Variants in VAV2 observed in about 807,000 individuals in gnomAD.
The protein encoded by VAV2 is vav guanine nucleotide exchange factor 2.
Under a neutral mutation model 132.5 loss-of-function variants are expected in VAV2, and 67 were observed. The observed-to-expected ratio is 0.51, with a 90% confidence interval of 0.42 to 0.62. The LOEUF (loss-of-function observed/expected upper bound fraction) is 0.62. Ranked by LOEUF, VAV2 falls within the 20% of genes least tolerant of loss-of-function variation. The probability of loss-of-function intolerance (pLI) is 0.00; values close to 1 mark genes in which losing one functional copy is unlikely to be tolerated. For missense variants in VAV2, 938 were observed against 1,153.6 expected (o/e 0.81, Z 2.71); for synonymous variants, 492 against 443.5 (o/e 1.11, Z -1.37).
At position 133,884,961 on chromosome 9, in the gene VAV2, T is replaced by C. The variant is rs1838643859; in HGVS notation, c.322-23529A>G. ...ATGAACCCACCTGAGCCAGCCACAG[T>C]GACAGGTGGAGCCTAGATCATTCCA... is the stretch of plus-strand genomic sequence containing the variant. On this transcript the variant is annotated intron_variant, in intron 2 of 29. Coordinates refer to ENST00000371850, the MANE Select transcript of VAV2 (RefSeq NM_001134398.2). This position sits in a 1 kb window ranked among gnomAD's most constrained non-coding sequence, Gnocchi z 5.3. Among the ~76,000 whole-genome samples, 1 of 152,140 alleles carries C rather than the reference T, an allele frequency of 6.6e-6. No homozygotes were observed. Among genetic ancestry groups the C allele is most frequent in the South Asian group, 2.1e-4 (1 of 4,828 alleles).
At chr9:133,819,210 C>T (rs1323724932) in intron 4 of VAV2, among the ~76,000 whole-genome samples, 6 of 151,724 alleles carry the variant, frequency 4.0e-5, no homozygotes, top group Admixed American at 1.3e-4. Context: ...TTTGGGAGGC[C>T]GAGGTGGGCG....
chr9:133,778,807 G>A lies in VAV2; in HGVS notation c.1845C>T (p.Asp615=), dbSNP rs546960442. Residue 615 remains aspartate (D), a synonymous_variant, in exon 22 of 30, where the codon GAC becomes GAT. Transcript: ENST00000371850. ...GGTCGCCCCTCAGCAGCTCAAGCAC[G>A]TCGCCCGTCTGGAAGGTCAGCACAG... ...GKPVLTFQTG[D]VLELLRGDPE... is the part of the protein sequence containing the mutation. 726 of 1,613,066 alleles carry A rather than the reference G, an allele frequency of 4.5e-4. 9 individuals are homozygous for A. In the South Asian group the frequency reaches 7.1e-3, roughly 16 times the overall value.
chr9:133,965,782 C>G (rs1184112274), intron 1 of VAV2, among the ~76,000 whole-genome samples: 1 of 152,092 alleles, frequency 6.6e-6, no homozygotes, highest in Non-Finnish European at 1.5e-5. Flanking sequence ...AAAAAACAAT[C>G]CCAAAATACA....
chr9:133,984,473 C>T (rs751704168), intron 1 of VAV2, among the ~76,000 whole-genome samples: 8 of 152,002 alleles, frequency 5.3e-5, no homozygotes, highest in Non-Finnish European at 1.0e-4. Flanking sequence ...ATTAGCTGGG[C>T]GCGGTGGCAC....
rs974747684 is a variant in VAV2 at position 133,816,122 on chromosome 9, G to A, written c.450-3906C>T. Reference sequence around the variant, plus strand: ...CTGAGGGGTCTCCTGCGTCCTTACTGTATACCTTCCTTTGTGAAGAGTCTG... The same window carrying A: ...CTGAGGGGTCTCCTGCGTCCTTACTATATACCTTCCTTTGTGAAGAGTCTG... On this transcript the variant is annotated intron_variant, in intron 4 of 29. Coordinates refer to ENST00000371850, the MANE Select transcript of VAV2 (RefSeq NM_001134398.2). Among the ~76,000 whole-genome samples, 3 of 152,178 alleles carry A rather than the reference G, an allele frequency of 2.0e-5. No homozygotes were observed. The South Asian group carries it at 6.2e-4, about 32-fold the overall frequency.
intron 8 of VAV2, 26 bp downstream of exon 8, chr9:133,807,232 T>A: frequency 1.2e-6 from 2 of 1,605,122 alleles, no homozygotes; most frequent in Non-Finnish European, 1.7e-6. Context: ...GAGCCTGGCA[T>A]GAGCGATGGG....
rs13295844 is a variant in VAV2 at position 133,933,989 on chromosome 9, T to C, written c.321+5114A>G. ...ATGAATGGATGGAAGGATGGGTGAA[T>C]GGGTGGGTAGATGGATGGATGGATG... On this transcript the variant is annotated intron_variant, in intron 2 of 29. Transcript: ENST00000371850. 7.8e-3 allele frequency among the ~76,000 whole-genome samples: 1,105 copies of C among 141,944 alleles called. 13 individuals are homozygous for C. Among genetic ancestry groups the C allele is most frequent in the African/African-American group, 0.028 (1,017 of 36,954 alleles). The allele number at this position is 141,944 out of a possible 152,430, so 93.1% of individuals were successfully genotyped here.
intron 1 of VAV2, among the ~76,000 whole-genome samples, chr9:133,939,966 A>G (rs930254791): frequency 2.0e-5 from 3 of 152,210 alleles, no homozygotes; most frequent in Non-Finnish European, 4.4e-5. Flanking sequence ...CTGACGTGCC[A>G]CAGGGGCGGA....
chr9:133,901,842 C>T lies in VAV2; in HGVS notation c.321+37261G>A, dbSNP rs1839455145. 2.6e-5 allele frequency among the ~76,000 whole-genome samples: 4 copies of T among 152,230 alleles called. 1 individual carries two copies. In the South Asian group the frequency reaches 6.2e-4, roughly 24 times the overall value. On this transcript the variant is annotated intron_variant, in intron 2 of 29. Coordinates refer to ENST00000371850, the MANE Select transcript of VAV2 (RefSeq NM_001134398.2). The stretch of plus-strand genomic sequence containing the variant: ...TTCTACCTTTTCCCAGGAGACGGGC[C>T]GATGGGGTCAGTGGCAATGTGCCAC...
rs1002158536 is a variant in VAV2, at chr9:133,836,197, A to G, written c.381-1857T>C. ...ATGGGGGTGGGGCTGAGGAGCCACA[A>G]CCTGGAGGGGACTGGCCCACACGCA... is the stretch of plus-strand genomic sequence containing the variant. On this transcript the variant is annotated intron_variant, in intron 3 of 29. Transcript: ENST00000371850. Among the ~76,000 whole-genome samples, 4 of 152,284 alleles carry G rather than the reference A, an allele frequency of 2.6e-5. No homozygotes were observed. In the East Asian group the frequency reaches 7.7e-4, roughly 29 times the overall value.
At chr9:133,990,724 C>T (rs1842988217) in intron 1 of VAV2, among the ~76,000 whole-genome samples, 1 of 152,224 alleles carries the variant, frequency 6.6e-6, no homozygotes, top group Admixed American at 6.5e-5. Flanking sequence ...TCCCAGTCCC[C>T]GTGGGGCTCT....
chr9:133,839,679 G>C (rs930003410), intron 3 of VAV2, among the ~76,000 whole-genome samples: 2 of 152,094 alleles, frequency 1.3e-5, no homozygotes, highest in African/African-American at 4.8e-5. Flanking sequence ...TCAAACTCCT[G>C]ACCTCGTGAT....
chr9:133,854,243 A>G (rs1564407810), intron 3 of VAV2, among the ~76,000 whole-genome samples: 1 of 148,492 alleles, frequency 6.7e-6, no homozygotes, highest in East Asian at 2.0e-4. Flanking sequence ...GCACACATAC[A>G]TGCACTCATC....
intron 1 of VAV2, among the ~76,000 whole-genome samples, chr9:133,971,806 G>T (rs1347328190): frequency 6.6e-6 from 1 of 152,152 alleles, no homozygotes; most frequent in Non-Finnish European, 1.5e-5. Context: ...ACAATGGGGA[G>T]GCGGCCAGGG....
intron 2 of VAV2, among the ~76,000 whole-genome samples, chr9:133,914,809 A>AAAAGGG (rs1840014052): frequency 2.4e-3 from 3 of 1,234 alleles, no homozygotes; most frequent in Admixed American, 0.012. Context: ...AGGGGAAGGG[A>AAAAGGG]GAAGGGGAGG....
rs911445847 is a variant in VAV2, at chr9:133,923,838, G to C, written c.321+15265C>G. Among the ~76,000 whole-genome samples the C allele has an allele frequency of 9.8e-4, 150 of 152,294 alleles. 1 individual carries two copies. The highest frequency in any genetic ancestry group is 1.6e-4 in the Non-Finnish European group (11 of 68,038). On this transcript the variant is annotated intron_variant, in intron 2 of 29. Transcript: ENST00000371850. ...AAAAAAGGATGAGTTCATGTCCTTT[G>C]CAAGGACATGGATGAAGCTGGAAAC... is the stretch of plus-strand genomic sequence containing the variant.
intron 1 of VAV2, among the ~76,000 whole-genome samples, chr9:133,950,324 C>G (rs1428307336): frequency 6.6e-6 from 1 of 152,094 alleles, no homozygotes; most frequent in Non-Finnish European, 1.5e-5. Context: ...GGCTCCTATT[C>G]AACTCTGCAC....
At position 133,962,423 on chromosome 9, in the gene VAV2, G is replaced by A. The variant is rs184500643; in HGVS notation, c.205-23204C>T. Among the ~76,000 whole-genome samples, 486 of 152,262 alleles carry A rather than the reference G, an allele frequency of 3.2e-3. 6 individuals carry two copies. Among genetic ancestry groups the A allele is most frequent in the Non-Finnish European group, 4.2e-3 (287 of 67,982 alleles). On this transcript the variant is annotated intron_variant, in intron 1 of 29. Coordinates refer to ENST00000371850, the MANE Select transcript of VAV2 (RefSeq NM_001134398.2). ...GTAGGCTTTCTATCCAGAGGCAGAG[G>A]GGTGCGGGTGTCCCTGCAGAGAGGA...
intron 21 of VAV2, 143 bp downstream of exon 21, chr9:133,779,775 G>C (rs1833940857): frequency 8.9e-7 from 1 of 1,121,026 alleles, no homozygotes; most frequent in Non-Finnish European, 1.2e-6. Flanking sequence ...GCAAGAGGGA[G>C]GGGGCCCAGA....
Sources: allele counts gnomAD v4.1 joint callset (sites outside exome capture counted in the v4.1 genomes callset), GRCh38; gene constraint gnomAD v4.1.1; non-coding constraint Gnocchi (gnomAD v3.1); transcripts MANE v1.5; gene names NCBI Gene and HGNC (gene_info 2026-07-23, HGNC 2026-07-21).